RPH3AL: variants seen among roughly 807,000 people sequenced by gnomAD.
RPH3AL encodes the protein rab effector Noc2.
A neutral mutation model predicts 43.1 loss-of-function variants in RPH3AL; 38 were observed. That is an observed-to-expected ratio of 0.88 (90% CI 0.68 to 1.15). RPH3AL has a LOEUF of 1.15. Ranked by LOEUF, RPH3AL falls within the 50% of genes most tolerant of loss-of-function variation. The probability of loss-of-function intolerance (pLI) is 0.00; values close to 1 mark genes in which losing one functional copy is unlikely to be tolerated. For synonymous variants in RPH3AL, 189 were observed against 176.3 expected, an observed-to-expected ratio of 1.07 and a Z score of -0.57; for missense variants, 462 against 423.2, an observed-to-expected ratio of 1.09 and a Z score of -0.81.
At chr17:332,723 G>T in intron 2 of RPH3AL, 2 of 272,228 alleles carry the variant, frequency 7.3e-6, no homozygotes, top group South Asian at 4.0e-5. Flanking sequence ...CGGCCTCAAG[G>T]CAGCTCCACC....
At chr17:250,457 G>A (rs1275520487) in intron 6 of RPH3AL, among the ~76,000 whole-genome samples, 1 of 141,960 alleles carries the variant, frequency 7.0e-6, no homozygotes, top group Non-Finnish European at 1.5e-5. Flanking sequence ...GGACCTCTTA[G>A]AGCCTAAGTG....
At chr17:338,688 G>A (rs1288426252) in intron 1 of RPH3AL, 3 of 152,166 alleles carry the variant, frequency 2.0e-5, no homozygotes, top group African/African-American at 7.2e-5. Flanking sequence ...CAGAAACGCA[G>A]GCCTGCTTCC....
chr17:228,588 A>C (rs1016179029), intron 7 of RPH3AL, among the ~76,000 whole-genome samples: 16 of 152,144 alleles, frequency 1.1e-4, no homozygotes, highest in African/African-American at 3.1e-4. Flanking sequence ...CCTTTCGAGG[A>C]AGCGTGGATT....
intron 6 of RPH3AL, among the ~76,000 whole-genome samples, chr17:268,091 A>G (rs995768617): frequency 1.3e-5 from 2 of 152,190 alleles, no homozygotes; most frequent in Non-Finnish European, 2.9e-5. Context: ...GTATGTATGT[A>G]TGCATTTCTA....
intron 6 of RPH3AL, among the ~76,000 whole-genome samples, chr17:270,361 G>T (rs573298863): frequency 6.6e-6 from 1 of 152,338 alleles, no homozygotes; most frequent in East Asian, 1.9e-4. Context: ...AGCAGGTGCC[G>T]CAAGGATGCT....
At chr17:219,239 G>A (rs374593908) in intron 8 of RPH3AL, among the ~76,000 whole-genome samples, 8 of 109,920 alleles carry the variant, frequency 7.3e-5, no homozygotes, top group South Asian at 3.1e-4. Context: ...TTGATCTGTC[G>A]CCAGGCTGGA....
At chr17:306,409 G>A (rs1374098503) in intron 5 of RPH3AL, 3 of 152,224 alleles carry the variant, frequency 2.0e-5, no homozygotes, top group Non-Finnish European at 2.9e-5. Flanking sequence ...CCTGGCAAGG[G>A]ACTAACCTCC....
intron 7 of RPH3AL, among the ~76,000 whole-genome samples, chr17:241,592 C>G (rs2041535035): frequency 6.6e-6 from 1 of 151,974 alleles, no homozygotes; most frequent in African/African-American, 2.4e-5. Context: ...TGGGTAAGAG[C>G]CTATTTTTAT....
Position 245,285 on chromosome 17 carries a change from G to A in RPH3AL, c.613+1826C>T, listed in dbSNP as rs1208797811. Among the ~76,000 whole-genome samples, 1 of 150,596 alleles carries A rather than the reference G, an allele frequency of 6.6e-6. No individual in the cohort carries two copies. Among genetic ancestry groups the A allele is most frequent in the Non-Finnish European group, 1.5e-5 (1 of 67,604 alleles). ...CACGTGGATGTCAGTGTGTGTGTACGTGGGTGTGTGTGTGGATGTGTGTGT... is the reference window on the plus strand; with the variant it reads ...CACGTGGATGTCAGTGTGTGTGTACATGGGTGTGTGTGTGGATGTGTGTGT... On this transcript the variant is annotated intron_variant, in intron 7 of 9. Coordinates refer to ENST00000331302, the MANE Select transcript of RPH3AL (RefSeq NM_006987.4). This position sits in a 1 kb window ranked among gnomAD's most constrained non-coding sequence, Gnocchi z 5.9.
At chr17:273,036 A>C (rs1289299882) in intron 6 of RPH3AL, among the ~76,000 whole-genome samples, 54 of 105,950 alleles carry the variant, frequency 5.1e-4, no homozygotes, top group African/African-American at 1.2e-3. Flanking sequence ...GACCCCAGCG[A>C]GGGCGACGTC....
At chr17:302,045 G>A (rs893754548) in intron 5 of RPH3AL, among the ~76,000 whole-genome samples, 3 of 152,206 alleles carry the variant, frequency 2.0e-5, no homozygotes, top group Non-Finnish European at 4.4e-5. Flanking sequence ...GAGCCAAAGC[G>A]AACTGGGCGG....
Position 247,152 on chromosome 17 carries a change from C to G in RPH3AL, c.572G>C (p.Ser191Thr), listed in dbSNP as rs1555540395. ...PTEPAEREPR[S>T]SETSRIYTWA... is the part of the protein sequence containing the mutation. The stretch of plus-strand genomic sequence containing the variant: ...CGTGTAGATGCGGCTGGTCTCAGAG[C>G]TTCTGGGCTCTCGCTCTGCCGGTTC... Residue 191 changes from serine to threonine, a missense_variant, in exon 7 of 10, where the codon AGC becomes ACC. Coordinates refer to ENST00000331302, the MANE Select transcript of RPH3AL (RefSeq NM_006987.4). The G allele has an allele frequency of 6.2e-7, 1 of 1,611,864 alleles. No homozygotes were observed. The highest frequency in any genetic ancestry group is 1.1e-5 in the South Asian group (1 of 90,944).
intron 3 of RPH3AL, chr17:321,757 A>G: frequency 3.7e-6 from 1 of 269,320 alleles, no homozygotes; most frequent in East Asian, 6.8e-5. Flanking sequence ...CACGCGGGCA[A>G]CAGAGACGGG....
chr17:227,027 A>G (rs985434437), intron 7 of RPH3AL, among the ~76,000 whole-genome samples: 3 of 152,196 alleles, frequency 2.0e-5, no homozygotes, highest in African/African-American at 7.2e-5. Flanking sequence ...TTTCGGAGGA[A>G]GAAGTATCAT....
chr17:272,168 T>C (rs1054625442), intron 6 of RPH3AL, among the ~76,000 whole-genome samples: 1 of 152,182 alleles, frequency 6.6e-6, no homozygotes, highest in Non-Finnish European at 1.5e-5. Flanking sequence ...GAATGTAAAC[T>C]AGTTCAACCA....
chr17:238,596 A>C (rs1025899421), intron 7 of RPH3AL, among the ~76,000 whole-genome samples: 1 of 152,238 alleles, frequency 6.6e-6, no homozygotes, highest in Non-Finnish European at 1.5e-5. Flanking sequence ...AAAGAGAAGA[A>C]TTGCAAAGAC....
rs1451180204 is a variant in RPH3AL, at chr17:230,520, G to A, written c.614-10784C>T. Among the ~76,000 whole-genome samples the A allele has an allele frequency of 1.3e-5, 2 of 152,194 alleles. 1 individual carries two copies. Among genetic ancestry groups the A allele is most frequent in the Non-Finnish European group, 2.9e-5 (2 of 68,036 alleles). ...AGGCTGGGGTGTGCCAGGCATCCTG[G>A]ACAGAGAACAGGAAAAGCAAAGGCC... On this transcript the variant is annotated intron_variant, in intron 7 of 9. Coordinates refer to ENST00000331302, the MANE Select transcript of RPH3AL (RefSeq NM_006987.4).
chr17:213,393 C>G lies in RPH3AL; in HGVS notation c.*459G>C. 5.1e-6 allele frequency: 1 copy of G among 195,152 alleles called. No homozygotes were observed. 12.1% of individuals were successfully genotyped at this position (195,152 alleles called of 1,614,324 possible). On this transcript the variant is annotated 3_prime_UTR_variant, in exon 10 of 10. Coordinates refer to ENST00000331302, the MANE Select transcript of RPH3AL (RefSeq NM_006987.4). ...AGGGAGAGGGTGGGTGAGTCTCCCC[C>G]TCACTGCTCTGGCTCTGATGCTCAC...
In RPH3AL at chr17:333,022, G is replaced by C. The variant is rs757279074; in HGVS notation, c.-37+737C>G. 7.8e-7 allele frequency: 1 copy of C among 1,289,066 alleles called. No homozygotes were observed. Among genetic ancestry groups the C allele is most frequent in the African/African-American group, 1.5e-5 (1 of 65,984 alleles). 79.9% of individuals were successfully genotyped at this position (1,289,066 alleles called of 1,614,324 possible). A position where few individuals can be genotyped will look rare whatever the true frequency, so the allele number is the denominator to read the frequency against. The stretch of plus-strand genomic sequence containing the variant: ...GCTCATCAGCCCCAGGCAACTTCCT[G>C]AGACAGATCGGTAAAAACAACCCCT... On this transcript the variant is annotated intron_variant, in intron 2 of 9. Coordinates refer to ENST00000331302, the MANE Select transcript of RPH3AL (RefSeq NM_006987.4). This position sits in a 1 kb window ranked among gnomAD's most constrained non-coding sequence, Gnocchi z 4.5.
Sources: allele counts gnomAD v4.1 joint callset (sites outside exome capture counted in the v4.1 genomes callset), GRCh38; gene constraint gnomAD v4.1.1; non-coding constraint Gnocchi (gnomAD v3.1); transcripts MANE v1.5; gene names NCBI Gene and HGNC (gene_info 2026-07-23, HGNC 2026-07-21).